The following SDCCAG8 variants were observed in gnomAD, a reference collection of about 807,000 sequenced individuals.
SDCCAG8 encodes the protein serologically defined colon cancer antigen 8.
A neutral mutation model predicts 101.8 loss-of-function variants in SDCCAG8; 74 were observed. The ratio of observed to expected loss-of-function variants is 0.73; its 90% confidence interval spans 0.60 to 0.88. The LOEUF (loss-of-function observed/expected upper bound fraction) is 0.88. Among genes scored for constraint, SDCCAG8 ranks in the 40% least tolerant of loss-of-function variants. The probability of loss-of-function intolerance (pLI) is 0.00; values close to 1 mark genes in which losing one functional copy is unlikely to be tolerated. For missense variants in SDCCAG8, 787 were observed against 822.6 expected, an observed-to-expected ratio of 0.96 and a Z score of 0.53; for synonymous variants, 281 against 292.9, an observed-to-expected ratio of 0.96 and a Z score of 0.41.
chr1:243,484,349 C>T (rs1332534861), intron 16 of SDCCAG8, among the ~76,000 whole-genome samples: 2 of 152,240 alleles, frequency 1.3e-5, no homozygotes, highest in African/African-American at 2.4e-5. Flanking sequence ...CTGGCCCTGG[C>T]CAGAAAAGCA....
chr1:243,287,078 A>G (rs1386675848), intron 5 of SDCCAG8, among the ~76,000 whole-genome samples: 2 of 152,228 alleles, frequency 1.3e-5, no homozygotes, highest in African/African-American at 4.8e-5. Flanking sequence ...TCAGTGGCCC[A>G]GAGTTTGAAG....
rs967670491 is a variant in SDCCAG8 at position 243,477,482 on chromosome 1, C to A, written c.1986-11532C>A. Among the ~76,000 whole-genome samples, 4 of 152,324 alleles carry A rather than the reference C, an allele frequency of 2.6e-5. No homozygotes were observed. In the East Asian group the frequency reaches 7.7e-4, roughly 29 times the overall value. ...AACTCCTGTTTCATGGTGTCAGGATCCTTTATTCATGCCCAGTCTTCCAAA... is the reference window on the plus strand; with the variant it reads ...AACTCCTGTTTCATGGTGTCAGGATACTTTATTCATGCCCAGTCTTCCAAA... On this transcript the variant is annotated intron_variant, in intron 16 of 17. Transcript: ENST00000366541.
At chr1:243,443,166 A>G (rs539604289) in intron 16 of SDCCAG8, among the ~76,000 whole-genome samples, 1 of 152,240 alleles carries the variant, frequency 6.6e-6, no homozygotes, top group Non-Finnish European at 1.5e-5. Context: ...GTGTGTGTCC[A>G]TGGCTGCATG....
At chr1:243,279,355 T>A (rs549962743) in intron 4 of SDCCAG8, among the ~76,000 whole-genome samples, 1 of 152,314 alleles carries the variant, frequency 6.6e-6, no homozygotes, top group East Asian at 1.9e-4. Context: ...AAGTTGAAAA[T>A]GCATTGAATA....
intron 7 of SDCCAG8, 170 bp downstream of exon 7, chr1:243,304,947 G>T (rs1304483182): frequency 1.7e-6 from 1 of 585,274 alleles, no homozygotes; most frequent in African/African-American, 1.9e-5. Flanking sequence ...GCCTAAAATT[G>T]AGTTCTTTTC....
At chr1:243,355,194 G>T (rs2147830675) in intron 12 of SDCCAG8, among the ~76,000 whole-genome samples, 1 of 152,320 alleles carries the variant, frequency 6.6e-6, no homozygotes, top group East Asian at 1.9e-4. Flanking sequence ...CAAGAAAGCT[G>T]CAGGGTCTTT....
intron 13 of SDCCAG8, among the ~76,000 whole-genome samples, chr1:243,402,416 A>G (rs1184051805): frequency 6.6e-6 from 1 of 152,102 alleles, no homozygotes; most frequent in Non-Finnish European, 1.5e-5. Context: ...TAAAAAAAAA[A>G]AAAAAAAGCA....
chr1:243,400,851 A>T (rs1362258458), intron 13 of SDCCAG8, among the ~76,000 whole-genome samples: 1 of 152,128 alleles, frequency 6.6e-6, no homozygotes, highest in Non-Finnish European at 1.5e-5. Flanking sequence ...AATTATTGGC[A>T]CAAATTTGAA....
chr1:243,469,043 A>G (rs541841357), intron 16 of SDCCAG8, among the ~76,000 whole-genome samples: 5 of 152,368 alleles, frequency 3.3e-5, no homozygotes, highest in Non-Finnish European at 4.4e-5. Flanking sequence ...AGCAAATGAA[A>G]GGATAGGCTT....
At position 243,316,801 on chromosome 1, in the gene SDCCAG8, T is replaced by C. The variant is rs2149331545; in HGVS notation, c.976T>C (p.Leu326=). 1 of 1,614,192 alleles carries C rather than the reference T, an allele frequency of 6.2e-7. No individual in the cohort carries two copies. Residue 326 remains leucine, a synonymous_variant, in exon 9 of 18, where the codon TTG becomes CTG. Coordinates refer to ENST00000366541, the MANE Select transcript of SDCCAG8 (RefSeq NM_006642.5). ...MSALVSVRSS[L]ADTQQREASA... ...TGCACTAGTTTCCGTAAGGAGCAGCTTGGCAGATACGCAGCAAAGAGAAGC... is the reference window on the plus strand; with the variant it reads ...TGCACTAGTTTCCGTAAGGAGCAGCCTGGCAGATACGCAGCAAAGAGAAGC...
In SDCCAG8 at chr1:243,474,138, A is replaced by G. The variant is rs1231957189; in HGVS notation, c.1986-14876A>G. On this transcript the variant is annotated intron_variant, in intron 16 of 17. Coordinates refer to ENST00000366541, the MANE Select transcript of SDCCAG8 (RefSeq NM_006642.5). The surrounding 1 kb of genome is among the most constrained non-coding windows in gnomAD (Gnocchi z 4.7). Reference sequence around the variant, plus strand: ...AACAATGATTCATTGGTTTACAAATAAGGAATTAAAAGGTAAGAAAAGCAA... The same window carrying G: ...AACAATGATTCATTGGTTTACAAATGAGGAATTAAAAGGTAAGAAAAGCAA... Among the ~76,000 whole-genome samples the G allele has an allele frequency of 6.6e-6, 1 of 152,148 alleles. No homozygotes were observed. Among genetic ancestry groups the G allele is most frequent in the African/African-American group, 2.4e-5 (1 of 41,444 alleles).
At chr1:243,439,760 C>T (rs140973282) in intron 16 of SDCCAG8, among the ~76,000 whole-genome samples, 21 of 152,220 alleles carry the variant, frequency 1.4e-4, no homozygotes, top group Non-Finnish European at 2.4e-4. Context: ...TACCCAACAT[C>T]ACATAGCTAA....
At chr1:243,385,631 C>T (rs953235233) in intron 13 of SDCCAG8, among the ~76,000 whole-genome samples, 3 of 152,056 alleles carry the variant, frequency 2.0e-5, no homozygotes, top group South Asian at 2.1e-4. Flanking sequence ...GTACACACAG[C>T]GATCAAACAG....
chr1:243,268,730 C>G (rs1477235771), intron 1 of SDCCAG8, among the ~76,000 whole-genome samples: 1 of 152,134 alleles, frequency 6.6e-6, no homozygotes, highest in Non-Finnish European at 1.5e-5. Flanking sequence ...CTGTTCCAAA[C>G]TTTGAAATCA....
At chr1:243,303,933 C>T (rs1250000098) in intron 6 of SDCCAG8, among the ~76,000 whole-genome samples, 4 of 152,056 alleles carry the variant, frequency 2.6e-5, no homozygotes, top group South Asian at 2.1e-4. Context: ...ATTAGCCGGG[C>T]GTGGTGGCAC....
chr1:243,497,937 C>T (rs1159611560), intron 17 of SDCCAG8, among the ~76,000 whole-genome samples: 1 of 152,214 alleles, frequency 6.6e-6, no homozygotes, highest in Admixed American at 6.5e-5. Context: ...TTGCCCCAGC[C>T]TCCCAAAGCA....
At chr1:243,375,446 A>G (rs1039168953) in intron 12 of SDCCAG8, among the ~76,000 whole-genome samples, 1 of 152,146 alleles carries the variant, frequency 6.6e-6, no homozygotes, top group African/African-American at 2.4e-5. Context: ...AAAACTTCCT[A>G]CAGTGTGGAG....
intron 13 of SDCCAG8, among the ~76,000 whole-genome samples, chr1:243,386,544 G>C (rs1446609135): frequency 6.6e-6 from 1 of 152,098 alleles, no homozygotes; most frequent in East Asian, 1.9e-4. Context: ...ACGAGGTCAG[G>C]AGATCAAGAC....
intron 4 of SDCCAG8, among the ~76,000 whole-genome samples, chr1:243,283,715 C>A (rs986904544): frequency 6.6e-6 from 1 of 151,934 alleles, no homozygotes; most frequent in African/African-American, 2.4e-5. Flanking sequence ...CTATTAGAGA[C>A]CTTAACATAG....
Sources: allele counts gnomAD v4.1 joint callset (sites outside exome capture counted in the v4.1 genomes callset), GRCh38; gene constraint gnomAD v4.1.1; non-coding constraint Gnocchi (gnomAD v3.1); transcripts MANE v1.5; gene names NCBI Gene and HGNC (gene_info 2026-07-23, HGNC 2026-07-21).